The following HSPBAP1 variants were observed in gnomAD, a reference collection of about 807,000 sequenced individuals.
HSPBAP1 encodes HSPB1 associated protein 1, also known as HSPB1-associated protein 1.
Under a neutral mutation model 45.2 loss-of-function variants are expected in HSPBAP1, and 27 were observed. The observed-to-expected ratio is 0.60, with a 90% CI of 0.44 to 0.82. HSPBAP1 has a LOEUF of 0.82. Among genes scored for constraint, HSPBAP1 ranks in the 40% least tolerant of loss-of-function variants. The pLI is 0.00. For missense variants in HSPBAP1, 510 were observed against 590.9 expected (o/e 0.86, Z 1.42); for synonymous variants, 204 against 202.7 (o/e 1.01, Z -0.06).
intron 5 of HSPBAP1, chr3:122,753,908 CAG>C (rs946157065): frequency 4.1e-6 from 4 of 984,928 alleles, no homozygotes; most frequent in Non-Finnish European, 4.8e-6. Context: ...CTATTAAACA[CAG>C]AAGAGAAAAT....
intron 1 of HSPBAP1, 41 bp downstream of exon 1, chr3:122,793,576 T>C (rs761442690): frequency 2.5e-6 from 4 of 1,591,962 alleles, no homozygotes; most frequent in Admixed American, 3.4e-5. Flanking sequence ...TCAACTGGCA[T>C]TGGGTTTGTA....
rs1933647516 is a variant in HSPBAP1, at chr3:122,740,962, C to T, written c.936+41G>A. 3 of 1,606,972 alleles carry T rather than the reference C, an allele frequency of 1.9e-6. No individual in the cohort carries two copies. The Admixed American group carries it at 5.0e-5, about 27-fold the overall frequency. On this transcript the variant is annotated intron_variant, in intron 7 of 7. Coordinates refer to ENST00000306103, the MANE Select transcript of HSPBAP1 (RefSeq NM_024610.6). ...TGTTCTAGTCAGGGCTGGTTTACCACAGGAAACTAACTGCCATGATGAAGA... is the reference window on the plus strand; with the variant it reads ...TGTTCTAGTCAGGGCTGGTTTACCATAGGAAACTAACTGCCATGATGAAGA...
intron 3 of HSPBAP1, among the ~76,000 whole-genome samples, chr3:122,766,022 ATACTT>A (rs1296427968): frequency 1.3e-5 from 2 of 152,208 alleles, no homozygotes; most frequent in Non-Finnish European, 2.9e-5. Context: ...TTTTCTTCAT[ATACTT>A]TAAACAAACC....
At chr3:122,748,172 G>A (rs984904933) in intron 6 of HSPBAP1, among the ~76,000 whole-genome samples, 1 of 152,136 alleles carries the variant, frequency 6.6e-6, no homozygotes, top group Non-Finnish European at 1.5e-5. Context: ...TTAAACAGAC[G>A]CTTGAAGGCA....
chr3:122,792,343 G>A (rs1411715015), intron 1 of HSPBAP1, among the ~76,000 whole-genome samples: 1 of 152,188 alleles, frequency 6.6e-6, no homozygotes, highest in Non-Finnish European at 1.5e-5. Context: ...AAAAGTGCAG[G>A]AAGGGACAAG....
At chr3:122,790,235 CAAAGACTGA>C (rs1935782354) in intron 1 of HSPBAP1, among the ~76,000 whole-genome samples, 3 of 152,146 alleles carry the variant, frequency 2.0e-5, no homozygotes, top group African/African-American at 4.8e-5. Context: ...TATTTTTCTG[CAAAGACTGA>C]AACCCATGAT....
At chr3:122,781,997 ATTTTGGT>A (rs1935503057) in intron 1 of HSPBAP1, among the ~76,000 whole-genome samples, 1 of 152,230 alleles carries the variant, frequency 6.6e-6, no homozygotes, top group African/African-American at 2.4e-5. Flanking sequence ...AAGTGTTTAA[ATTTTGGT>A]AGATATTTAC....
chr3:122,749,685 T>A (rs1200218490), intron 6 of HSPBAP1, among the ~76,000 whole-genome samples: 1 of 152,228 alleles, frequency 6.6e-6, no homozygotes, highest in Non-Finnish European at 1.5e-5. Flanking sequence ...CTCAGCTCAC[T>A]GCAACCTCCA....
At chr3:122,741,236 G>A in intron 6 of HSPBAP1, 123 bp from the exon 7 acceptor site, 1 of 741,416 alleles carries the variant, frequency 1.3e-6, no homozygotes, top group Non-Finnish European at 2.2e-6. Flanking sequence ...TAGAAGGAAT[G>A]AATATGCTAT....
intron 1 of HSPBAP1, among the ~76,000 whole-genome samples, chr3:122,780,881 C>G (rs1267996363): frequency 5.3e-4 from 37 of 70,030 alleles, no homozygotes; most frequent in African/African-American, 6.2e-4. Context: ...CAGACGGGGT[C>G]GCGGCCGGGC....
At chr3:122,771,432 A>G (rs1293084188) in intron 2 of HSPBAP1, among the ~76,000 whole-genome samples, 2 of 152,206 alleles carry the variant, frequency 1.3e-5, no homozygotes, top group Admixed American at 6.5e-5. Context: ...AAGAAGCTCA[A>G]CTGAGGTCAG....
chr3:122,770,425 G>C (rs1225968564), intron 2 of HSPBAP1, among the ~76,000 whole-genome samples: 1 of 152,184 alleles, frequency 6.6e-6, no homozygotes, highest in African/African-American at 2.4e-5. Context: ...TTGGCCAGGC[G>C]TAGTGGAACA....
intron 1 of HSPBAP1, among the ~76,000 whole-genome samples, chr3:122,778,607 G>C (rs1935279507): frequency 1.3e-5 from 2 of 150,312 alleles, no homozygotes; most frequent in South Asian, 4.2e-4. Context: ...TCGGCTCACT[G>C]CAAGCTCCGC....
intron 1 of HSPBAP1, among the ~76,000 whole-genome samples, chr3:122,787,139 A>C (rs967869822): frequency 6.6e-6 from 1 of 152,236 alleles, no homozygotes; most frequent in Non-Finnish European, 1.5e-5. Context: ...AAAACAGATT[A>C]GTGATCTGGG....
intron 1 of HSPBAP1, among the ~76,000 whole-genome samples, chr3:122,780,465 G>A (rs1431836619): frequency 4.2e-5 from 5 of 118,026 alleles, no homozygotes; most frequent in African/African-American, 1.1e-4. Context: ...CCGGGCAGAG[G>A]CGCCCCTCAC....
chr3:122,766,111 T>G (rs1934772098), intron 3 of HSPBAP1, among the ~76,000 whole-genome samples: 1 of 152,206 alleles, frequency 6.6e-6, no homozygotes, highest in Admixed American at 6.5e-5. Flanking sequence ...CAAGAAGACA[T>G]GCCAAAATGT....
chr3:122,760,691 A>G (rs1576250105), intron 3 of HSPBAP1, among the ~76,000 whole-genome samples: 1 of 152,244 alleles, frequency 6.6e-6, no homozygotes, highest in East Asian at 1.9e-4. Flanking sequence ...TGGGTGGCAA[A>G]AATCCTGTTC....
At chr3:122,752,831 A>G in intron 5 of HSPBAP1, 157 bp from the exon 6 acceptor site, 1 of 1,391,728 alleles carries the variant, frequency 7.2e-7, no homozygotes, top group Non-Finnish European at 9.3e-7. Flanking sequence ...AAACCCCGCA[A>G]ACCTTTTTTC....
intron 1 of HSPBAP1, among the ~76,000 whole-genome samples, chr3:122,780,719 G>T (rs35729537): frequency 3.0e-4 from 41 of 135,582 alleles, no homozygotes; most frequent in African/African-American, 1.1e-3. Flanking sequence ...CTTCCCAGAC[G>T]GGGTGGCTGC....
Sources: gnomAD v4.1 joint callset for allele counts (sites outside exome capture counted in the v4.1 genomes callset) on GRCh38, gnomAD v4.1.1 for gene constraint, MANE v1.5 for transcripts, NCBI Gene and HGNC (gene_info 2026-07-23, HGNC 2026-07-21) for gene names.